The following NLGN1 variants were observed in gnomAD, a reference collection of about 807,000 sequenced individuals.
The protein encoded by NLGN1 is neuroligin-1.
NLGN1 carries 12 observed loss-of-function variants against 65.5 expected under a neutral mutation model. The ratio of observed to expected loss-of-function variants is 0.18; its 90% CI spans 0.12 to 0.30. The LOEUF is 0.30. NLGN1 is among the 10% of genes least tolerant of loss of function. NLGN1 has a pLI of 1.00. For synonymous variants in NLGN1, 350 were observed against 359.5 expected, an observed-to-expected ratio of 0.97 and a Z score of 0.30; for missense variants, 750 against 1,007.1, an observed-to-expected ratio of 0.74 and a Z score of 3.46.
intron 2 of NLGN1, among the ~76,000 whole-genome samples, chr3:173,522,373 C>T (rs781062046): frequency 3.9e-5 from 6 of 152,210 alleles, no homozygotes; most frequent in Non-Finnish European, 8.8e-5. Context: ...CACTTAGATA[C>T]TTAGATTGGA....
rs1289893788 is a variant in NLGN1 at position 173,435,449 on chromosome 3, T to G, written c.-321+371T>G. On this transcript the variant is annotated intron_variant, in intron 2 of 6. Coordinates refer to ENST00000457714, the Ensembl canonical transcript of NLGN1. ...ACAAAGTTTGATTCTCTTTTGATGA[T>G]ATATACATACACACACATATATGAA... Among the ~76,000 whole-genome samples the G allele has an allele frequency of 3.9e-5, 6 of 152,322 alleles. No homozygotes were observed. In the East Asian group the frequency reaches 9.6e-4, roughly 24 times the overall value.
intron 5 of NLGN1, 121 bp downstream of exon 5, chr3:174,275,648 T>C: frequency 3.1e-6 from 2 of 641,902 alleles, no homozygotes; most frequent in Non-Finnish European, 5.4e-6. Flanking sequence ...CTCAATAGTT[T>C]AAAGCTTTGT....
intron 4 of NLGN1, among the ~76,000 whole-genome samples, chr3:173,901,356 A>AT (rs201502744): frequency 1.4e-5 from 2 of 138,772 alleles, no homozygotes; most frequent in African/African-American, 5.0e-5. Context: ...AAAAACTAGT[A>AT]TTTTTTTTGG....
chr3:173,715,323 A>T (rs1769668293), intron 3 of NLGN1, among the ~76,000 whole-genome samples: 1 of 152,178 alleles, frequency 6.6e-6, no homozygotes, highest in East Asian at 1.9e-4. Context: ...CAATTCTACA[A>T]TTATCATGTG....
At chr3:173,997,706 A>G (rs1225503601) in intron 4 of NLGN1, among the ~76,000 whole-genome samples, 1 of 152,118 alleles carries the variant, frequency 6.6e-6, no homozygotes, top group African/African-American at 2.4e-5. Flanking sequence ...TCCAGATTAT[A>G]TTCTTAACCA....
chr3:173,991,397 T>A (rs1393633286), intron 4 of NLGN1, among the ~76,000 whole-genome samples: 1 of 152,136 alleles, frequency 6.6e-6, no homozygotes, highest in East Asian at 1.9e-4. Context: ...GACAAAACAT[T>A]GTGTGACAAA....
At chr3:173,847,174 A>G (rs1253788073) in intron 4 of NLGN1, among the ~76,000 whole-genome samples, 2 of 152,160 alleles carry the variant, frequency 1.3e-5, no homozygotes, top group Non-Finnish European at 2.9e-5. Flanking sequence ...GAAATGATGA[A>G]CTTTCCAGAC....
At chr3:174,013,151 G>A (rs1042175093) in intron 4 of NLGN1, among the ~76,000 whole-genome samples, 43 of 152,278 alleles carry the variant, frequency 2.8e-4, no homozygotes, top group African/African-American at 1.0e-3. Context: ...TCCAGATTTT[G>A]CACAAAGCAG....
chr3:173,838,814 A>T (rs1724183873), intron 4 of NLGN1, among the ~76,000 whole-genome samples: 1 of 152,204 alleles, frequency 6.6e-6, no homozygotes, highest in South Asian at 2.1e-4. Flanking sequence ...TCATAGAGTG[A>T]AATTGTCTCT....
At chr3:173,700,559 A>T (rs1766976063) in intron 3 of NLGN1, among the ~76,000 whole-genome samples, 1 of 151,994 alleles carries the variant, frequency 6.6e-6, no homozygotes. Context: ...TTACATTTTC[A>T]TGGAGTCTGC....
chr3:174,006,548 C>T (rs1036278807), intron 4 of NLGN1, among the ~76,000 whole-genome samples: 2 of 152,148 alleles, frequency 1.3e-5, no homozygotes, highest in Non-Finnish European at 2.9e-5. Flanking sequence ...CTCTGTCCCT[C>T]TCCTACTTAC....
At position 174,007,155 on chromosome 3, in the gene NLGN1, A is replaced by G. The variant is rs995441; in HGVS notation, c.646+199323A>G. On this transcript the variant is annotated intron_variant, in intron 4 of 6. Coordinates refer to ENST00000457714, the Ensembl canonical transcript of NLGN1. ...GCAGAGGAAAGACCATGCGGAGCAC[A>G]GTAAGACGGTGACCATCTGCAAGCC... Among the ~76,000 whole-genome samples the G allele has an allele frequency of 1.2e-3, 179 of 152,286 alleles. 3 individuals carry two copies. In the East Asian group the frequency reaches 0.033, roughly 28 times the overall value.
intron 3 of NLGN1, among the ~76,000 whole-genome samples, chr3:173,657,228 G>C (rs961193768): frequency 2.0e-5 from 3 of 151,930 alleles, no homozygotes; most frequent in Admixed American, 6.6e-5. Flanking sequence ...GAGATCCTCT[G>C]CTTCCTAAAT....
chr3:174,260,362 T>G lies in NLGN1; in HGVS notation c.647-14953T>G, dbSNP rs536191675. Among the ~76,000 whole-genome samples, 273 of 149,752 alleles carry G rather than the reference T, an allele frequency of 1.8e-3. 1 individual carries two copies. The highest frequency in any genetic ancestry group is 6.6e-3 in the African/African-American group (269 of 40,684). ...CCAGCACCTGTTGTTTCCTGACTTT[T>G]TAATGATTGCCATTCTAACTGGTGT... is the stretch of plus-strand genomic sequence containing the variant. On this transcript the variant is annotated intron_variant, in intron 4 of 6. Coordinates refer to ENST00000457714, the Ensembl canonical transcript of NLGN1.
intron 3 of NLGN1, among the ~76,000 whole-genome samples, chr3:173,729,130 G>T (rs1428889857): frequency 6.6e-6 from 1 of 151,978 alleles, no homozygotes; most frequent in Non-Finnish European, 1.5e-5. Context: ...GGTCATACTG[G>T]TAGTAATTTT....
Position 173,539,937 on chromosome 3 carries a change from G to GTA in NLGN1, c.-320-64341_-320-64340insAT, listed in dbSNP as rs1331904043. 1.3e-3 allele frequency among the ~76,000 whole-genome samples: 198 copies of GTA among 147,750 alleles called. 1 individual carries two copies. The highest frequency in any genetic ancestry group is 3.9e-3 in the African/African-American group (158 of 40,202). On this transcript the variant is annotated intron_variant, in intron 2 of 6. Transcript: ENST00000457714. Reference sequence around the variant, plus strand: ...ATAACATACGTGTGTGTGTGTGTGTGTGTATATATATCTTAGTGATAGAGT... The same window carrying GTA: ...ATAACATACGTGTGTGTGTGTGTGTGTATGTATATATATCTTAGTGATAGAGT...
At chr3:174,201,811 T>A (rs900314117) in intron 4 of NLGN1, among the ~76,000 whole-genome samples, 4 of 152,174 alleles carry the variant, frequency 2.6e-5, no homozygotes, top group Non-Finnish European at 5.9e-5. Context: ...GTATCCATAA[T>A]AGTGTTCCAC....
At chr3:173,742,621 A>G (rs376698796) in intron 3 of NLGN1, among the ~76,000 whole-genome samples, 67 of 152,216 alleles carry the variant, frequency 4.4e-4, no homozygotes, top group Middle Eastern at 3.4e-3. Context: ...ATTTTCCTTC[A>G]TAACATGTTT....
At chr3:173,421,093 G>A (rs1215868128) in intron 1 of NLGN1, among the ~76,000 whole-genome samples, 1 of 151,952 alleles carries the variant, frequency 6.6e-6, no homozygotes, top group Non-Finnish European at 1.5e-5. Context: ...TAATACAATT[G>A]TTATAAATTA....
Sources: gnomAD v4.1 joint callset for allele counts (sites outside exome capture counted in the v4.1 genomes callset) on GRCh38, gnomAD v4.1.1 for gene constraint, MANE v1.5 for transcripts, NCBI Gene and HGNC (gene_info 2026-07-23, HGNC 2026-07-21) for gene names.